Variants in GALNT5 observed in about 807,000 individuals in gnomAD.
The protein encoded by GALNT5 is UDP-GalNAc:polypeptide N-acetylgalactosaminyltransferase 5.
Under a neutral mutation model 85.4 loss-of-function variants are expected in GALNT5, and 72 were observed. That is an observed-to-expected ratio of 0.84 (90% CI 0.70 to 1.03). The LOEUF is 1.03. GALNT5 is among the 50% of genes least tolerant of loss of function. GALNT5 has a pLI of 0.00. For synonymous variants in GALNT5, 404 were observed against 397.0 expected (o/e 1.02, Z -0.21); for missense variants, 1,137 against 1,135.5 (o/e 1.00, Z -0.02).
At chr2:157,283,305 T>C (rs899059956) in intron 1 of GALNT5, among the ~76,000 whole-genome samples, 1 of 152,212 alleles carries the variant, frequency 6.6e-6, no homozygotes, top group African/African-American at 2.4e-5. Context: ...AGTAGCTGTG[T>C]TAGTAAGATG....
At chr2:157,280,647 A>G (rs191363475) in intron 1 of GALNT5, among the ~76,000 whole-genome samples, 1 of 152,354 alleles carries the variant, frequency 6.6e-6, no homozygotes, top group East Asian at 1.9e-4. Context: ...ATACAGAAGT[A>G]TCATCCAAGG....
intron 1 of GALNT5, among the ~76,000 whole-genome samples, chr2:157,263,120 T>C (rs543671324): frequency 2.0e-5 from 3 of 151,654 alleles, no homozygotes; most frequent in East Asian, 3.9e-4. Context: ...AGCCACCGCA[T>C]CCGGCCCACA....
At chr2:157,264,857 A>C (rs1403814912) in intron 1 of GALNT5, among the ~76,000 whole-genome samples, 1 of 152,192 alleles carries the variant, frequency 6.6e-6, no homozygotes, top group Admixed American at 6.5e-5. Flanking sequence ...AAGAAACTTT[A>C]AAGTTAAATT....
At chr2:157,306,915 T>C (rs1425186695) in intron 8 of GALNT5, among the ~76,000 whole-genome samples, 1 of 152,024 alleles carries the variant, frequency 6.6e-6, no homozygotes, top group African/African-American at 2.4e-5. Flanking sequence ...AAGAAATAAA[T>C]TTCACTTACT....
intron 1 of GALNT5, among the ~76,000 whole-genome samples, chr2:157,283,743 G>T (rs1682905273): frequency 6.6e-6 from 1 of 152,090 alleles, no homozygotes. Context: ...ATCTAGTAAT[G>T]ATAGCAATAA....
intron 3 of GALNT5, among the ~76,000 whole-genome samples, chr2:157,290,618 C>T (rs1420267983): frequency 6.6e-6 from 1 of 151,986 alleles, no homozygotes; most frequent in Non-Finnish European, 1.5e-5. Context: ...TAGGATGCCT[C>T]GCCAAACAAG....
In GALNT5 at chr2:157,296,464, C is replaced by T. The variant is rs1432056748; in HGVS notation, c.1948C>T (p.Pro650Ser). The change falls in exon 5 of 10, where the codon CCT becomes TCT. Residue 650 changes from proline (P) to serine (S), a missense_variant. Pro to Ser is a moderately conservative substitution (Grantham distance 74). Transcript: ENST00000259056. ...WPMNFGWRTI[P>S]PDVIAKNRIK... is the part of the protein sequence containing the mutation. ...CATGAACTTTGGTTGGAGAACAATT[C>T]CTCCAGATGTCATTGCAAAAAACAG... 2 of 1,606,106 alleles carry T rather than the reference C, an allele frequency of 1.2e-6. No individual in the cohort carries two copies. The highest frequency in any genetic ancestry group is 2.2e-5 in the South Asian group (2 of 90,912).
rs939216164 is a variant in GALNT5, at chr2:157,312,559, A to G, written c.*1211A>G. On this transcript the variant is annotated 3_prime_UTR_variant, in exon 10 of 10. Coordinates refer to ENST00000259056, the MANE Select transcript of GALNT5 (RefSeq NM_014568.3). ...AGTTAAATACTGATTTCATCCAAAT[A>G]AAGCCTCTAATCTTAAGCATACCAA... 2.6e-5 allele frequency: 4 copies of G among 152,286 alleles called. No homozygotes were observed. Among genetic ancestry groups the G allele is most frequent in the South Asian group, 2.1e-4 (1 of 4,824 alleles). 9.4% of individuals were successfully genotyped at this position (152,286 alleles called of 1,614,324 possible).
At position 157,313,145 on chromosome 2, in the gene GALNT5, A is replaced by C. The variant is rs989367847; in HGVS notation, c.*1797A>C. ...GACACATAATGATGTTTTAGTCAAC[A>C]ATGAACCACATATTTGACATTGGTC... On this transcript the variant is annotated 3_prime_UTR_variant, in exon 10 of 10. Coordinates refer to ENST00000259056, the MANE Select transcript of GALNT5 (RefSeq NM_014568.3). 2.0e-5 allele frequency: 3 copies of C among 152,236 alleles called. No homozygotes were observed. Among genetic ancestry groups the C allele is most frequent in the African/African-American group, 7.2e-5 (3 of 41,466 alleles). 9.4% of individuals were successfully genotyped at this position (152,236 alleles called of 1,614,324 possible). A position where few individuals can be genotyped will look rare whatever the true frequency, so the allele number is the denominator to read the frequency against.
At chr2:157,310,775 C>T (rs139638058) in intron 9 of GALNT5, among the ~76,000 whole-genome samples, 1,807 of 152,242 alleles carry the variant, frequency 0.012, 29 homozygotes, top group African/African-American at 0.04. Context: ...AAATAAAATA[C>T]ATCACTTCCA....
Position 157,317,292 on chromosome 2 carries a change from CTCTT to C in GALNT5, c.*5947_*5950del, listed in dbSNP as rs1460586971. On this transcript the variant is annotated 3_prime_UTR_variant, in exon 10 of 10. Coordinates refer to ENST00000259056, the MANE Select transcript of GALNT5 (RefSeq NM_014568.3). ...ATAAAATGTTTTTAGATATTTTTAACTCTTTCAGGTGTATAGCTTTGTCTGCATC... is the reference window on the plus strand; with the variant it reads ...ATAAAATGTTTTTAGATATTTTTAACTCAGGTGTATAGCTTTGTCTGCATC... Among the ~76,000 whole-genome samples, 2 of 150,908 alleles carry C rather than the reference CTCTT, an allele frequency of 1.3e-5. No individual in the cohort carries two copies. Among genetic ancestry groups the C allele is most frequent in the Non-Finnish European group, 3.0e-5 (2 of 67,792 alleles).
chr2:157,297,662 A>C (rs1683243942), intron 5 of GALNT5, among the ~76,000 whole-genome samples: 1 of 152,216 alleles, frequency 6.6e-6, no homozygotes, highest in African/African-American at 2.4e-5. Flanking sequence ...GGAAAATTGG[A>C]GAGCAGAAAG....
At chr2:157,298,933 GACGGAAGA>G (rs1275905609) in intron 5 of GALNT5, 1 of 72,460 alleles carries the variant, frequency 1.4e-5, no homozygotes, top group Non-Finnish European at 2.7e-5. Context: ...ATATACCCTT[GACGGAAGA>G]CCGGAAGACC....
chr2:157,276,323 A>T (rs1287460544), intron 1 of GALNT5, among the ~76,000 whole-genome samples: 1 of 152,132 alleles, frequency 6.6e-6, no homozygotes, highest in Non-Finnish European at 1.5e-5. Flanking sequence ...TGGTATCAGG[A>T]TGATGCTGGC....
Position 157,295,704 on chromosome 2 carries a change from G to T in GALNT5, c.1783G>T (p.Val595Phe). The T allele has an allele frequency of 6.2e-7, 1 of 1,612,258 alleles. No individual in the cohort carries two copies. Among genetic ancestry groups the T allele is most frequent in the Non-Finnish European group, 8.5e-7 (1 of 1,178,476 alleles). ...TTTAGATTCTCATGTGGAATGTAAC[G>T]TTGGTTGGTTGGAACCTCTTCTGGA... ...TFLDSHVECN[V>F]GWLEPLLERV... Residue 595 changes from valine (V) to phenylalanine (F), a missense_variant, in exon 4 of 10, where the codon GTT becomes TTT. Physicochemically the swap from Val to Phe is conservative, Grantham distance 50. Coordinates refer to ENST00000259056, the MANE Select transcript of GALNT5 (RefSeq NM_014568.3).
intron 1 of GALNT5, among the ~76,000 whole-genome samples, chr2:157,274,101 T>A (rs182755141): frequency 3.7e-4 from 57 of 152,292 alleles, no homozygotes; most frequent in Non-Finnish European, 3.8e-4. Context: ...TGTGATAGTT[T>A]GCTGAGAATG....
At position 157,311,382 on chromosome 2, in the gene GALNT5, T is replaced by C. The variant is rs1437779400; in HGVS notation, c.*34T>C. ...TGATGTTTTTATATAGTAAACCCAT[T>C]AAATACTGTGAAAATAACACTGAAC... On this transcript the variant is annotated 3_prime_UTR_variant, in exon 10 of 10. Transcript: ENST00000259056. 5.1e-6 allele frequency: 7 copies of C among 1,373,302 alleles called. No individual in the cohort carries two copies. Among genetic ancestry groups the C allele is most frequent in the Non-Finnish European group, 7.0e-6 (7 of 998,704 alleles). The allele number at this position is 1,373,302 out of a possible 1,614,324, so 85.1% of individuals were successfully genotyped here. A position where few individuals can be genotyped will look rare whatever the true frequency, so the allele number is the denominator to read the frequency against.
intron 3 of GALNT5, among the ~76,000 whole-genome samples, chr2:157,287,522 C>T (rs1683007650): frequency 6.6e-6 from 1 of 152,004 alleles, no homozygotes; most frequent in Non-Finnish European, 1.5e-5. Flanking sequence ...TTCAAATTGT[C>T]CCAAATTTGA....
intron 1 of GALNT5, among the ~76,000 whole-genome samples, chr2:157,266,526 TTCAG>T (rs1003480942): frequency 2.0e-5 from 3 of 152,186 alleles, no homozygotes; most frequent in African/African-American, 7.2e-5. Flanking sequence ...TTAGTTTTGT[TTCAG>T]TCAGTGATGT....
Sources: allele counts gnomAD v4.1 joint callset (sites outside exome capture counted in the v4.1 genomes callset), GRCh38; gene constraint gnomAD v4.1.1; transcripts MANE v1.5; gene names NCBI Gene and HGNC (gene_info 2026-07-23, HGNC 2026-07-21).